The following LRRTM4 variants were observed in gnomAD, a reference collection of about 807,000 sequenced individuals.
LRRTM4 encodes leucine-rich repeat transmembrane neuronal protein 4.
LRRTM4 carries 25 observed loss-of-function variants against 47.6 expected under a neutral mutation model. That is an observed-to-expected ratio of 0.53 (90% CI 0.38 to 0.73). LRRTM4 has a LOEUF of 0.73. Ranked by LOEUF, LRRTM4 falls within the 30% of genes least tolerant of loss-of-function variation. LRRTM4 has a pLI of 0.00. For synonymous variants in LRRTM4, 311 were observed against 269.5 expected, an observed-to-expected ratio of 1.15 and a Z score of -1.51; for missense variants, 638 against 713.4, an observed-to-expected ratio of 0.89 and a Z score of 1.20.
chr2:77,161,093 C>A (rs1030116678), intron 3 of LRRTM4, among the ~76,000 whole-genome samples: 1 of 152,134 alleles, frequency 6.6e-6, no homozygotes. Flanking sequence ...CAAGCAGGGA[C>A]CTCACCTTCC....
intron 3 of LRRTM4, among the ~76,000 whole-genome samples, chr2:77,249,759 T>G (rs1410971101): frequency 6.6e-6 from 1 of 152,198 alleles, no homozygotes; most frequent in Non-Finnish European, 1.5e-5. Context: ...ACAGTTTAAC[T>G]GTTTCTTACA....
chr2:77,031,764 C>A (rs146156023), intron 3 of LRRTM4, among the ~76,000 whole-genome samples: 7 of 151,914 alleles, frequency 4.6e-5, no homozygotes, highest in Non-Finnish European at 5.9e-5. Flanking sequence ...AGAGAGAGAG[C>A]GCGCACAATA....
chr2:76,906,070 G>A (rs1304212784), intron 3 of LRRTM4, among the ~76,000 whole-genome samples: 1 of 152,094 alleles, frequency 6.6e-6, no homozygotes, highest in East Asian at 1.9e-4. Flanking sequence ...TGAAATGAAG[G>A]AAAAAATGTT....
At chr2:77,312,234 T>C (rs966884379) in intron 3 of LRRTM4, among the ~76,000 whole-genome samples, 10 of 152,092 alleles carry the variant, frequency 6.6e-5, no homozygotes, top group East Asian at 3.9e-4. Context: ...ACAGTATTAA[T>C]TGGGTGTCAC....
intron 3 of LRRTM4, among the ~76,000 whole-genome samples, chr2:76,802,723 C>T (rs1347208147): frequency 2.0e-5 from 3 of 152,010 alleles, no homozygotes; most frequent in East Asian, 3.9e-4. Context: ...TACTACAAAG[C>T]TATACTAATC....
At chr2:77,206,494 AT>A (rs1233058837) in intron 3 of LRRTM4, among the ~76,000 whole-genome samples, 2 of 150,378 alleles carry the variant, frequency 1.3e-5, no homozygotes, top group South Asian at 2.1e-4. Context: ...CTCAAAAAAG[AT>A]TTTTTTTGAG....
At chr2:77,370,581 G>A (rs1170046022) in intron 3 of LRRTM4, among the ~76,000 whole-genome samples, 3 of 151,608 alleles carry the variant, frequency 2.0e-5, no homozygotes, top group Admixed American at 1.3e-4. Context: ...TGTTTTTGAA[G>A]TTTAGAAATA....
chr2:77,518,214 A>C (rs1679298978), intron 3 of LRRTM4, 104 bp downstream of exon 3: 1 of 1,383,924 alleles, frequency 7.2e-7, no homozygotes, highest in Non-Finnish European at 9.3e-7. Context: ...CAAAAGCAAA[A>C]GGGTCATTAA....
chr2:76,749,451 A>G (rs13396159), intron 3 of LRRTM4, among the ~76,000 whole-genome samples: 39,901 of 152,078 alleles, frequency 0.26, 5,499 homozygotes, highest in African/African-American at 0.33. Context: ...AATCTTTACT[A>G]TCATCATGTG....
intron 3 of LRRTM4, among the ~76,000 whole-genome samples, chr2:76,872,644 GGGCGT>G (rs2104060775): frequency 6.6e-6 from 1 of 152,090 alleles, no homozygotes; most frequent in Admixed American, 6.5e-5. Flanking sequence ...AACTTCCTGA[GGGCGT>G]GTATGATACC....
intron 3 of LRRTM4, among the ~76,000 whole-genome samples, chr2:77,400,611 G>T (rs909510331): frequency 6.6e-6 from 1 of 151,802 alleles, no homozygotes; most frequent in Non-Finnish European, 1.5e-5. Flanking sequence ...AAATATAACA[G>T]ATCATGCCAT....
intron 3 of LRRTM4, among the ~76,000 whole-genome samples, chr2:77,307,587 ATAGAAATATAAATATATAGATATAT>A (rs1677319936): frequency 8.3e-6 from 1 of 120,762 alleles, no homozygotes; most frequent in Admixed American, 9.4e-5. Flanking sequence ...TCTATATATT[ATAGAAATATAAATATATAGATATAT>A]CTATATATTA....
At chr2:76,813,300 CA>C (rs1185873260) in intron 3 of LRRTM4, among the ~76,000 whole-genome samples, 1 of 152,124 alleles carries the variant, frequency 6.6e-6, no homozygotes. Context: ...TTACATAAAT[CA>C]TCAGGAGTGG....
intron 3 of LRRTM4, among the ~76,000 whole-genome samples, chr2:76,820,251 G>T (rs912595458): frequency 1.3e-5 from 2 of 151,606 alleles, no homozygotes; most frequent in Admixed American, 6.6e-5. Flanking sequence ...TGTCCATTTC[G>T]CTGCTTTATA....
chr2:77,037,473 T>G (rs1678875067), intron 3 of LRRTM4, among the ~76,000 whole-genome samples: 1 of 151,660 alleles, frequency 6.6e-6, no homozygotes, highest in African/African-American at 2.4e-5. Context: ...AGCTCCTACA[T>G]GTTTTGTCTC....
chr2:77,354,055 T>G (rs931470143), intron 3 of LRRTM4, among the ~76,000 whole-genome samples: 5 of 152,024 alleles, frequency 3.3e-5, no homozygotes, highest in African/African-American at 1.2e-4. Context: ...AATTAAGGGG[T>G]AGGTTATTCT....
chr2:77,522,018 T>C (rs1461610524), intron 1 of LRRTM4, 91 bp downstream of exon 1: 1 of 700,612 alleles, frequency 1.4e-6, no homozygotes, highest in Non-Finnish European at 2.7e-6. Context: ...TCAGCAGTAA[T>C]TGGCAATCTG....
At chr2:76,768,481 A>C (rs1285034623) in intron 3 of LRRTM4, among the ~76,000 whole-genome samples, 1 of 152,156 alleles carries the variant, frequency 6.6e-6, no homozygotes, top group Non-Finnish European at 1.5e-5. Flanking sequence ...CGGTTTCTTC[A>C]AAGAGGTATA....
chr2:77,516,658 TTAGA>T (rs1679217353), intron 3 of LRRTM4: 1 of 981,116 alleles, frequency 1.0e-6, no homozygotes, highest in African/African-American at 1.7e-5. Context: ...TCAAGCCTTG[TTAGA>T]CTTTTATAGA....
Sources: allele counts gnomAD v4.1 joint callset (sites outside exome capture counted in the v4.1 genomes callset), GRCh38; gene constraint gnomAD v4.1.1; transcripts MANE v1.5; gene names NCBI Gene and HGNC (gene_info 2026-07-23, HGNC 2026-07-21).